Variants in RELN observed in about 807,000 individuals in gnomAD.
The protein encoded by RELN is reelin.
Under a neutral mutation model 427.6 loss-of-function variants are expected in RELN, and 108 were observed. The ratio of observed to expected loss-of-function variants is 0.25; its 90% confidence interval spans 0.22 to 0.30. The LOEUF is 0.30. RELN is among the 10% of genes least tolerant of loss of function. RELN has a pLI of 1.00. For missense variants in RELN, 3,715 were observed against 4,302.8 expected, an observed-to-expected ratio of 0.86 and a Z score of 3.82; for synonymous variants, 1,524 against 1,513.4, an observed-to-expected ratio of 1.01 and a Z score of -0.16.
intron 2 of RELN, among the ~76,000 whole-genome samples, chr7:103,890,546 G>A (rs528781829): frequency 1.5e-5 from 1 of 66,086 alleles, no homozygotes; most frequent in Non-Finnish European, 3.5e-5. Context: ...TAATGTGCTT[G>A]AATCATCCCC....
chr7:103,562,479 C>A (rs770351345), intron 34 of RELN, among the ~76,000 whole-genome samples: 1 of 152,146 alleles, frequency 6.6e-6, no homozygotes, highest in Non-Finnish European at 1.5e-5. Flanking sequence ...AAAGCTGAGG[C>A]CTAGAATGAT....
chr7:103,551,944 T>TGTGTGC (rs1554376303), intron 40 of RELN, among the ~76,000 whole-genome samples: 20 of 147,790 alleles, frequency 1.4e-4, no homozygotes, highest in Middle Eastern at 3.6e-3. Flanking sequence ...TGTGGGTGTG[T>TGTGTGC]GTGTGTGTGT....
intron 34 of RELN, among the ~76,000 whole-genome samples, chr7:103,562,977 G>A (rs992172239): frequency 6.6e-6 from 1 of 152,038 alleles, no homozygotes; most frequent in Non-Finnish European, 1.5e-5. Flanking sequence ...TGCTTTTTCT[G>A]GCTTCCTGGA....
intron 41 of RELN, among the ~76,000 whole-genome samples, chr7:103,548,113 A>G (rs575252531): frequency 5.3e-5 from 8 of 152,358 alleles, no homozygotes; most frequent in Middle Eastern, 3.4e-3. Flanking sequence ...CAGCAAAAAC[A>G]ATCAGGAACT....
intron 2 of RELN, among the ~76,000 whole-genome samples, chr7:103,885,426 T>C (rs1279476590): frequency 5.3e-5 from 8 of 152,122 alleles, no homozygotes; most frequent in Non-Finnish European, 1.2e-4. Context: ...GTTGAGTTCA[T>C]GTCCTTTGCA....
intron 2 of RELN, among the ~76,000 whole-genome samples, chr7:103,855,648 G>A (rs1241454436): frequency 1.3e-5 from 2 of 152,184 alleles, no homozygotes; most frequent in Non-Finnish European, 2.9e-5. Context: ...TAAATGTATT[G>A]TCTCACAGTT....
chr7:103,498,169 C>G lies in RELN; in HGVS notation c.8751G>C (p.Glu2917Asp). ...CAGTGTCCTCGGCAAGAATTCCACA[C>G]TCAGTGCAAGTACTTCCACCTTCTA... ...MSLEGGSTCT[E>D]CGILAEDTAL... The change falls in exon 54 of 65, where the codon GAG becomes GAC. Residue 2917 changes from glutamate (E) to aspartate (D), a missense_variant. Glu to Asp is a conservative substitution (Grantham distance 45, BLOSUM62 2). Around this residue, in one of 4 missense-constraint regions of RELN, gnomAD observed 1,310 missense variants for 1,643.0 expected, o/e 0.80. Coordinates refer to ENST00000428762, the MANE Select transcript of RELN (RefSeq NM_005045.4). The G allele has an allele frequency of 6.2e-7, 1 of 1,614,030 alleles. No homozygotes were observed. Among genetic ancestry groups the G allele is most frequent in the Non-Finnish European group, 8.5e-7 (1 of 1,179,916 alleles).
At chr7:103,513,572 G>C (rs1005633853) in intron 50 of RELN, 5 of 152,064 alleles carry the variant, frequency 3.3e-5, no homozygotes, top group African/African-American at 1.2e-4. Flanking sequence ...GACATTTTAA[G>C]CTTTTTCTAT....
At chr7:103,981,412 G>A (rs1425740400) in intron 1 of RELN, among the ~76,000 whole-genome samples, 1 of 152,062 alleles carries the variant, frequency 6.6e-6, no homozygotes, top group Non-Finnish European at 1.5e-5. Flanking sequence ...ATACCTTAAG[G>A]GATATTTTGA....
chr7:103,491,842 TCTCTCTCTCTCTCTCACACACACA>T lies in RELN; in HGVS notation c.9443+87_9443+110del, dbSNP rs1318710835. ...GAAACTGTCTCTCTCTCTCTCTCTC[TCTCTCTCTCTCTCTCACACACACA>T]CACACACACACACACACACACACAC... On this transcript the variant is annotated intron_variant, in intron 58 of 64. Coordinates refer to ENST00000428762, the MANE Select transcript of RELN (RefSeq NM_005045.4). 12 of 626,380 alleles carry T rather than the reference TCTCTCTCTCTCTCTCACACACACA, an allele frequency of 1.9e-5. No homozygotes were observed. The African/African-American group carries it at 3.0e-4, about 16-fold the overall frequency. The allele number at this position is 626,380 out of a possible 1,614,324, so 38.8% of individuals were successfully genotyped here.
rs764925228 is a variant in RELN, at chr7:103,542,823, C to T, written c.6579G>A (p.Lys2193=). ...LLMSGGKPSR[K]CGILSSGNNL... is the part of the protein sequence containing the mutation. ...TGTTTCCACTAGAAAGGATTCCACA[C>T]TTTCGAGATGGTTTCCCACCACTCA... The change falls in exon 43 of 65, where the codon AAG becomes AAA. Residue 2193 remains lysine (K), a synonymous_variant. Transcript: ENST00000428762. 8.1e-6 allele frequency: 13 copies of T among 1,614,008 alleles called. No individual in the cohort carries two copies. Among genetic ancestry groups the T allele is most frequent in the East Asian group, 2.2e-5 (1 of 44,874 alleles).
intron 1 of RELN, among the ~76,000 whole-genome samples, chr7:103,921,441 A>C (rs1351497819): frequency 2.0e-5 from 3 of 152,094 alleles, no homozygotes; most frequent in Non-Finnish European, 4.4e-5. Context: ...CTTGGAGTCA[A>C]TTTTTATATC....
chr7:103,652,709 A>C lies in RELN; in HGVS notation c.1605T>G (p.Ala535=). 1 of 1,612,952 alleles carries C rather than the reference A, an allele frequency of 6.2e-7. No individual in the cohort carries two copies. The highest frequency in any genetic ancestry group is 8.5e-7 in the Non-Finnish European group (1 of 1,179,246). Residue 535 remains alanine, a synonymous_variant, in exon 14 of 65, where the codon GCT becomes GCG. Coordinates refer to ENST00000428762, the MANE Select transcript of RELN (RefSeq NM_005045.4). ...VVINPELQTP[A]TKFCLRQKNH... Reference sequence around the variant, plus strand: ...TCTTTTGCCTGAGACAAAATTTGGTAGCAGGAGTCTGAAGTTCAGGATTGA... The same window carrying C: ...TCTTTTGCCTGAGACAAAATTTGGTCGCAGGAGTCTGAAGTTCAGGATTGA...
At chr7:103,790,928 T>C (rs560031721) in intron 3 of RELN, among the ~76,000 whole-genome samples, 1 of 152,016 alleles carries the variant, frequency 6.6e-6, no homozygotes, top group African/African-American at 2.4e-5. Flanking sequence ...GCCACTGCAC[T>C]CCAGCCTGGG....
At chr7:103,677,117 A>C (rs1292503144) in intron 11 of RELN, among the ~76,000 whole-genome samples, 1 of 152,104 alleles carries the variant, frequency 6.6e-6, no homozygotes, top group African/African-American at 2.4e-5. Context: ...TTGCAGGGAC[A>C]CGGATGAAGC....
chr7:103,823,146 A>G (rs1444592393), intron 3 of RELN, among the ~76,000 whole-genome samples: 2 of 152,010 alleles, frequency 1.3e-5, no homozygotes, highest in African/African-American at 4.8e-5. Flanking sequence ...ATATTAATAT[A>G]GTAACAGTAG....
At chr7:103,582,181 G>C (rs1831166791) in intron 28 of RELN, among the ~76,000 whole-genome samples, 1 of 152,242 alleles carries the variant, frequency 6.6e-6, no homozygotes, top group Non-Finnish European at 1.5e-5. Flanking sequence ...ATGGAAGTCA[G>C]GTGTTCAGGA....
At chr7:103,828,039 A>C (rs2116392504) in intron 3 of RELN, among the ~76,000 whole-genome samples, 1 of 152,158 alleles carries the variant, frequency 6.6e-6, no homozygotes, top group East Asian at 1.9e-4. Flanking sequence ...AAACACACCC[A>C]TGGGGGAATC....
chr7:103,590,566 AAATAAATAAAT>A (rs1831388001), intron 27 of RELN, among the ~76,000 whole-genome samples: 5 of 147,880 alleles, frequency 3.4e-5, no homozygotes, highest in African/African-American at 5.0e-5. Flanking sequence ...TCTCAACAAT[AAATAAATAAAT>A]AAATAAATAA....
Sources: allele counts gnomAD v4.1 joint callset (sites outside exome capture counted in the v4.1 genomes callset), GRCh38; gene constraint gnomAD v4.1.1; regional missense constraint gnomAD v4.1.1; transcripts MANE v1.5; gene names NCBI Gene and HGNC (gene_info 2026-07-23, HGNC 2026-07-21).